RTTN: variants seen among roughly 807,000 people sequenced by gnomAD.
RTTN encodes rotatin.
RTTN carries 182 observed loss-of-function variants against 269.2 expected under a neutral mutation model. The ratio of observed to expected loss-of-function variants is 0.68; its 90% confidence interval spans 0.60 to 0.76. The LOEUF is 0.76. Ranked by LOEUF, RTTN falls within the 30% of genes least tolerant of loss-of-function variation. The pLI is 0.00. For synonymous variants in RTTN, 1,006 were observed against 963.5 expected, an observed-to-expected ratio of 1.04 and a Z score of -0.82; for missense variants, 2,545 against 2,608.6, an observed-to-expected ratio of 0.98 and a Z score of 0.53.
In RTTN at chr18:70,017,697, T is replaced by C. The variant is rs761954471; in HGVS notation, c.6154-23A>G. 1.9e-6 allele frequency: 3 copies of C among 1,574,764 alleles called. No homozygotes were observed. In the South Asian group the frequency reaches 3.5e-5, roughly 19 times the overall value. ...ACTCTGTGGATAAATAGAGAGAATA[T>C]TATTTTCTTCTCATCTTTTTCATTA... On this transcript the variant is annotated intron_variant, in intron 45 of 48. Coordinates refer to ENST00000640769, the MANE Select transcript of RTTN (RefSeq NM_173630.4).
chr18:70,077,858 A>G (rs1192246926), intron 32 of RTTN, among the ~76,000 whole-genome samples: 2 of 151,908 alleles, frequency 1.3e-5, no homozygotes, highest in African/African-American at 4.8e-5. Context: ...TGAACAAAAA[A>G]TTTAATATCA....
intron 10 of RTTN, among the ~76,000 whole-genome samples, chr18:70,179,395 A>G (rs146978942): frequency 3.0e-4 from 45 of 152,308 alleles, no homozygotes; most frequent in African/African-American, 1.0e-3. Context: ...GTACTTCTCA[A>G]AATATCATAA....
intron 14 of RTTN, among the ~76,000 whole-genome samples, chr18:70,159,372 T>C (rs958346996): frequency 5.9e-5 from 9 of 152,156 alleles, no homozygotes; most frequent in Non-Finnish European, 1.2e-4. Flanking sequence ...GCAGAAATCA[T>C]AAAATTCTTT....
chr18:70,025,630 T>C (rs367730560), intron 43 of RTTN, among the ~76,000 whole-genome samples: 31 of 152,316 alleles, frequency 2.0e-4, no homozygotes, highest in African/African-American at 6.7e-4. Context: ...TCCCTAAAGT[T>C]CTTCCCTTGT....
intron 37 of RTTN, among the ~76,000 whole-genome samples, chr18:70,054,529 A>G (rs2057762585): frequency 6.6e-6 from 1 of 152,190 alleles, no homozygotes; most frequent in Non-Finnish European, 1.5e-5. Flanking sequence ...TTTGAATTCC[A>G]TTTAAAGAAG....
At chr18:70,040,581 A>AC (rs2057310958) in intron 40 of RTTN, among the ~76,000 whole-genome samples, 1 of 152,232 alleles carries the variant, frequency 6.6e-6, no homozygotes, top group Non-Finnish European at 1.5e-5. Flanking sequence ...AAAGAAAATC[A>AC]CCAAAGAAAC....
intron 27 of RTTN, among the ~76,000 whole-genome samples, chr18:70,112,631 T>A (rs1224786693): frequency 6.6e-6 from 1 of 151,932 alleles, no homozygotes; most frequent in Non-Finnish European, 1.5e-5. Context: ...CCTAAATATA[T>A]ATGCACCCAA....
intron 40 of RTTN, among the ~76,000 whole-genome samples, chr18:70,047,639 T>G (rs1461266053): frequency 6.6e-6 from 1 of 152,228 alleles, no homozygotes; most frequent in Admixed American, 6.5e-5. Flanking sequence ...AAAATTACAA[T>G]AAATTTTGAA....
rs146523266 is a variant in RTTN, at chr18:70,113,673, C to T, written c.3683+772G>A. Among the ~76,000 whole-genome samples the T allele has an allele frequency of 8.7e-3, 1,318 of 152,090 alleles. 22 individuals are homozygous for T. The highest frequency in any genetic ancestry group is 0.029 in the African/African-American group (1,222 of 41,480). On this transcript the variant is annotated intron_variant, in intron 27 of 48. Transcript: ENST00000640769. Reference sequence around the variant, plus strand: ...GTCCACCAATGAATGAATGGATAAACAAAACATGGCATATCTATAAATAGA... The same window carrying T: ...GTCCACCAATGAATGAATGGATAAATAAAACATGGCATATCTATAAATAGA...
chr18:70,139,884 T>C, intron 20 of RTTN, 168 bp from the exon 21 acceptor site: 1 of 620,332 alleles, frequency 1.6e-6, no homozygotes, highest in Non-Finnish European at 2.9e-6. Context: ...GTAAGTTTCG[T>C]ATATACTTCT....
chr18:70,130,571 TAAAAAA>T (rs202148345), intron 23 of RTTN: 1 of 122,944 alleles, frequency 8.1e-6, no homozygotes. Flanking sequence ...ATGTGGGAGC[TAAAAAA>T]AAAAAAAAAT....
intron 25 of RTTN, among the ~76,000 whole-genome samples, chr18:70,122,412 T>G (rs1185569137): frequency 6.6e-6 from 1 of 152,136 alleles, no homozygotes; most frequent in African/African-American, 2.4e-5. Flanking sequence ...TTTTTATAAA[T>G]CTAAAGCCAT....
chr18:70,105,165 C>T (rs764443342), intron 28 of RTTN, among the ~76,000 whole-genome samples: 136 of 152,232 alleles, frequency 8.9e-4, no homozygotes, highest in Non-Finnish European at 1.8e-3. Flanking sequence ...GCTTCCCGGC[C>T]GCTTTGATTA....
At chr18:70,039,114 A>G (rs1239699577) in intron 40 of RTTN, among the ~76,000 whole-genome samples, 1 of 152,162 alleles carries the variant, frequency 6.6e-6, no homozygotes, top group Non-Finnish European at 1.5e-5. Context: ...GAAAGGGCAA[A>G]TTTAAGACAA....
chr18:70,193,192 AAAAAG>A, intron 8 of RTTN, 91 bp downstream of exon 8: 2 of 1,251,680 alleles, frequency 1.6e-6, no homozygotes, highest in Non-Finnish European at 2.2e-6. Flanking sequence ...AAAAAAAAAA[AAAAAG>A]GACAGAAAAA....
At chr18:70,107,002 TCAGA>T (rs2059337219) in intron 28 of RTTN, among the ~76,000 whole-genome samples, 1 of 152,198 alleles carries the variant, frequency 6.6e-6, no homozygotes, top group South Asian at 2.1e-4. Context: ...ATTTTTGGAT[TCAGA>T]CAGTTTATTA....
intron 10 of RTTN, among the ~76,000 whole-genome samples, chr18:70,179,869 A>G (rs549345426): frequency 4.5e-4 from 69 of 152,198 alleles, no homozygotes; most frequent in Non-Finnish European, 7.9e-4. Flanking sequence ...CAGTCTCACA[A>G]GGCACTTCTC....
chr18:70,065,820 A>G lies in RTTN; in HGVS notation c.4747+9T>C. ...TTTTGAAGGTAGAATGTCTTCACTAAAAGGATACCTTGAGCCACAAACTGG... is the reference window on the plus strand; with the variant it reads ...TTTTGAAGGTAGAATGTCTTCACTAGAAGGATACCTTGAGCCACAAACTGG... On this transcript the variant is annotated intron_variant, in intron 35 of 48. Transcript: ENST00000640769. The G allele has an allele frequency of 6.4e-7, 1 of 1,563,276 alleles. No individual in the cohort carries two copies. Among genetic ancestry groups the G allele is most frequent in the Non-Finnish European group, 8.7e-7 (1 of 1,152,124 alleles).
rs748964273 is a variant in RTTN, at chr18:70,092,153, C to G, written c.4100G>C (p.Gly1367Ala). ...HSEEHIPTQQ[G>A]LAWLIPLWVD... Reference sequence around the variant, plus strand: ...CCATAATGGAATCAACCAAGCCAATCCTTGTTGAGTAGGAATATGTTCTTC... The same window carrying G: ...CCATAATGGAATCAACCAAGCCAATGCTTGTTGAGTAGGAATATGTTCTTC... The change falls in exon 30 of 49, where the codon GGA becomes GCA. Residue 1367 changes from glycine (G) to alanine (A), a missense_variant. Transcript: ENST00000640769. 4 of 1,613,606 alleles carry G rather than the reference C, an allele frequency of 2.5e-6. No individual in the cohort carries two copies. The highest frequency in any genetic ancestry group is 3.3e-5 in the Admixed American group (2 of 59,970).
Sources: allele counts gnomAD v4.1 joint callset (sites outside exome capture counted in the v4.1 genomes callset), GRCh38; gene constraint gnomAD v4.1.1; transcripts MANE v1.5; gene names NCBI Gene and HGNC (gene_info 2026-07-23, HGNC 2026-07-21).